ADGRB3: variants seen among roughly 807,000 people sequenced by gnomAD.
The protein encoded by ADGRB3 is adhesion G protein-coupled receptor B3.
In ADGRB3, 37 loss-of-function variants were observed where a neutral mutation model predicts 193.4. That is an observed-to-expected ratio of 0.19 (90% CI 0.15 to 0.25). The LOEUF (loss-of-function observed/expected upper bound fraction) is 0.25. Among genes scored for constraint, ADGRB3 ranks in the 10% least tolerant of loss-of-function variants. The probability of loss-of-function intolerance (pLI) is 1.00; values close to 1 mark genes in which losing one functional copy is unlikely to be tolerated. For missense variants in ADGRB3, 1,637 were observed against 1,852.9 expected, an observed-to-expected ratio of 0.88 and a Z score of 2.14; for synonymous variants, 690 against 644.2, an observed-to-expected ratio of 1.07 and a Z score of -1.08.
intron 20 of ADGRB3, among the ~76,000 whole-genome samples, chr6:69,276,730 C>T (rs1286921151): frequency 2.0e-5 from 3 of 152,096 alleles, no homozygotes; most frequent in African/African-American, 4.8e-5. Flanking sequence ...CTCCTTTCCT[C>T]CTTTCGTCAC....
Position 69,048,157 on chromosome 6 carries a change from A to G in ADGRB3, c.2108-28A>G, listed in dbSNP as rs1199407168. The G allele has an allele frequency of 2.5e-6, 4 of 1,600,068 alleles. No homozygotes were observed. The South Asian group carries it at 4.5e-5, about 18-fold the overall frequency. ...TACACTAAAATGTAAAGCAAGTTTA[A>G]TTGAAATTATTATTTCTTTTTTAAT... is the stretch of plus-strand genomic sequence containing the variant. On this transcript the variant is annotated intron_variant, in intron 13 of 31. Transcript: ENST00000370598.
chr6:68,668,853 T>C (rs78699897), intron 3 of ADGRB3, among the ~76,000 whole-genome samples: 3,968 of 152,018 alleles, frequency 0.026, 114 homozygotes, highest in East Asian at 0.079. Flanking sequence ...AGTATCACTT[T>C]CTGGAAGAGA....
intron 3 of ADGRB3, among the ~76,000 whole-genome samples, chr6:68,745,758 T>C (rs1291625755): frequency 2.0e-5 from 3 of 152,000 alleles, no homozygotes; most frequent in Non-Finnish European, 4.4e-5. Flanking sequence ...TATGTGTATA[T>C]ATCCCCCCAC....
At chr6:69,233,810 T>A (rs1393376115) in intron 18 of ADGRB3, among the ~76,000 whole-genome samples, 1 of 152,190 alleles carries the variant, frequency 6.6e-6, no homozygotes, top group South Asian at 2.1e-4. Flanking sequence ...GTGAAACACA[T>A]TGCATATCTG....
intron 17 of ADGRB3, among the ~76,000 whole-genome samples, chr6:69,207,739 T>A (rs1765570456): frequency 2.0e-5 from 3 of 152,186 alleles, no homozygotes. Context: ...ATGGGGAACA[T>A]GGTAAGATCA....
intron 3 of ADGRB3, among the ~76,000 whole-genome samples, chr6:68,772,879 AAAC>A (rs1335345877): frequency 0.016 from 300 of 18,788 alleles, 3 homozygotes; most frequent in Middle Eastern, 0.068. Context: ...ACAAACAAAC[AAAC>A]AAAAAAAAAA....
At chr6:69,329,599 A>G (rs1472311885) in intron 22 of ADGRB3, among the ~76,000 whole-genome samples, 1 of 152,222 alleles carries the variant, frequency 6.6e-6, no homozygotes, top group Non-Finnish European at 1.5e-5. Flanking sequence ...GCTACTGTTC[A>G]TTGTTACTGC....
At chr6:68,871,521 AT>A (rs1765455327) in intron 3 of ADGRB3, among the ~76,000 whole-genome samples, 1 of 152,086 alleles carries the variant, frequency 6.6e-6, no homozygotes, top group East Asian at 1.9e-4. Context: ...ATAAACAAGC[AT>A]TTATAGCATG....
intron 3 of ADGRB3, among the ~76,000 whole-genome samples, chr6:68,642,726 G>A (rs1333277335): frequency 8.3e-6 from 1 of 121,062 alleles, no homozygotes; most frequent in Non-Finnish European, 1.7e-5. Context: ...ACAAAATGAA[G>A]CCTTTTTTTT....
At chr6:68,646,788 C>G (rs954410921) in intron 3 of ADGRB3, among the ~76,000 whole-genome samples, 17 of 152,076 alleles carry the variant, frequency 1.1e-4, no homozygotes, top group African/African-American at 3.9e-4. Flanking sequence ...CCATTTGAAA[C>G]TTTTAATTGT....
At chr6:68,834,400 G>T (rs1768009534) in intron 3 of ADGRB3, among the ~76,000 whole-genome samples, 1 of 151,936 alleles carries the variant, frequency 6.6e-6, no homozygotes, top group South Asian at 2.1e-4. Context: ...AGAAAAAATG[G>T]GATATTATTA....
chr6:69,139,959 T>C (rs1462118900), intron 17 of ADGRB3, among the ~76,000 whole-genome samples: 2 of 152,228 alleles, frequency 1.3e-5, no homozygotes, highest in Non-Finnish European at 2.9e-5. Flanking sequence ...TACTTCAAGA[T>C]AGTCTAATTG....
chr6:69,205,505 T>G (rs1484943780), intron 17 of ADGRB3, among the ~76,000 whole-genome samples: 2 of 151,958 alleles, frequency 1.3e-5, no homozygotes, highest in African/African-American at 4.8e-5. Context: ...TATACCTACA[T>G]CAGAATACCA....
intron 3 of ADGRB3, among the ~76,000 whole-genome samples, chr6:68,795,110 G>A (rs1282598837): frequency 6.6e-6 from 1 of 151,992 alleles, no homozygotes; most frequent in Non-Finnish European, 1.5e-5. Flanking sequence ...TAAAGTGAAA[G>A]TGAGCACATA....
intron 17 of ADGRB3, among the ~76,000 whole-genome samples, chr6:69,087,788 A>G (rs1434977364): frequency 3.3e-5 from 5 of 152,222 alleles, no homozygotes; most frequent in Admixed American, 3.3e-4. Flanking sequence ...AAGAAATACA[A>G]TACCTTTGTT....
intron 17 of ADGRB3, among the ~76,000 whole-genome samples, chr6:69,167,978 A>G (rs559835163): frequency 6.6e-6 from 1 of 152,276 alleles, no homozygotes; most frequent in South Asian, 2.1e-4. Flanking sequence ...ATTTACAGTT[A>G]CCTTGCATTG....
chr6:69,232,290 C>A, intron 17 of ADGRB3: 8 of 614,668 alleles, frequency 1.3e-5, no homozygotes, highest in East Asian at 7.8e-5. Flanking sequence ...TTCTTTTTCT[C>A]TCTTCCTGTA....
At chr6:69,122,342 G>A (rs966409410) in intron 17 of ADGRB3, among the ~76,000 whole-genome samples, 8 of 151,354 alleles carry the variant, frequency 5.3e-5, no homozygotes, top group East Asian at 2.0e-4. Context: ...CCAGGCACTC[G>A]GCAGGCTGAG....
chr6:68,992,378 C>A (rs537384199), intron 10 of ADGRB3, among the ~76,000 whole-genome samples: 1 of 152,246 alleles, frequency 6.6e-6, no homozygotes, highest in East Asian at 1.9e-4. Flanking sequence ...AAAGTAGAAA[C>A]CAGCTGGCTT....
Sources: gnomAD v4.1 joint callset for allele counts (sites outside exome capture counted in the v4.1 genomes callset) on GRCh38, gnomAD v4.1.1 for gene constraint, MANE v1.5 for transcripts, NCBI Gene and HGNC (gene_info 2026-07-23, HGNC 2026-07-21) for gene names.